The following SYT3 variants were observed in gnomAD, a reference collection of about 807,000 sequenced individuals.
The protein encoded by SYT3 is synaptotagmin 3.
In SYT3, 25 loss-of-function variants were observed where a neutral mutation model predicts 50.6. The observed-to-expected ratio is 0.49, with a 90% CI of 0.36 to 0.69. SYT3 has a LOEUF of 0.69. SYT3 is among the 30% of genes least tolerant of loss of function. SYT3 has a pLI of 0.00. For missense variants in SYT3, 589 were observed against 793.6 expected (o/e 0.74, Z 3.10); for synonymous variants, 323 against 353.9 (o/e 0.91, Z 0.98).
At chr19:50,636,033 A>T (rs1375644502) in intron 3 of SYT3, among the ~76,000 whole-genome samples, 1 of 152,180 alleles carries the variant, frequency 6.6e-6, no homozygotes, top group Non-Finnish European at 1.5e-5. Flanking sequence ...CGGGTGGATC[A>T]CTTGAGGTCA....
chr19:50,649,829 C>T, the SYT3 span: 2 of 506,688 alleles, frequency 3.9e-6, no homozygotes, highest in African/African-American at 3.8e-5. Context: ...CCACCCTGAG[C>T]TCAGCATCTT....
In SYT3 at chr19:50,635,201, C is replaced by A. The variant is rs541142064; in HGVS notation, c.148+2063G>T. Among the ~76,000 whole-genome samples the A allele has an allele frequency of 1.2e-3, 175 of 152,090 alleles. 1 individual carries two copies. The highest frequency in any genetic ancestry group is 6.0e-3 in the Admixed American group (91 of 15,272). On this transcript the variant is annotated intron_variant, in intron 3 of 10. Coordinates refer to ENST00000600079, the MANE Select transcript of SYT3 (RefSeq NM_001160329.2). ...GGGATTACAGGTGTGAGCCACCACA[C>A]CTGGCCCAGAGTGCTCCTTTTTAAG...
chr19:50,657,405 TC>T, the SYT3 span, among the ~76,000 whole-genome samples: 1 of 152,200 alleles, frequency 6.6e-6, no homozygotes. Context: ...TCATTTTAGT[TC>T]CTCAGCAATT....
In SYT3 at chr19:50,632,488, CA is replaced by C; in HGVS notation, c.471del (p.Glu158SerfsTer81). ...GAGTCCATGTCCAAGTAGGAGGGCT[CA>C]GGGGTGTCAGAACCCCCCAGGCTGC... ...EPGSLGGSDTPEPSYLDMDSY... is the reference protein window; with the variant it reads ...EPGSLGGSDTXEPSYLDMDSY... On this transcript the variant is annotated frameshift_variant, in exon 4 of 11. Transcript: ENST00000600079. LOFTEE classifies it high-confidence loss of function. The surrounding 1 kb of genome is among the most constrained non-coding windows in gnomAD (Gnocchi z 4.7). 6.2e-7 allele frequency: 1 copy of C among 1,612,708 alleles called. No individual in the cohort carries two copies. The highest frequency in any genetic ancestry group is 1.1e-5 in the South Asian group (1 of 91,046).
rs1312458860 is a variant in SYT3, at chr19:50,630,186, G to A, written c.675-15C>T. The stretch of plus-strand genomic sequence containing the variant: ...GGGCTGGGTACCTGTAGGGGGTTGG[G>A]GGGAGACCAAGGTGAGGTCAGTGGC... On this transcript the variant is annotated splice_polypyrimidine_tract_variant and intron_variant, in intron 4 of 10. Transcript: ENST00000600079. 7.3e-6 allele frequency: 11 copies of A among 1,505,370 alleles called. No individual in the cohort carries two copies. Among genetic ancestry groups the A allele is most frequent in the East Asian group, 2.3e-5 (1 of 43,110 alleles). The allele number at this position is 1,505,370 out of a possible 1,614,324, so 93.3% of individuals were successfully genotyped here. A position where few individuals can be genotyped will look rare whatever the true frequency, so the allele number is the denominator to read the frequency against.
the SYT3 span, among the ~76,000 whole-genome samples, chr19:50,657,561 A>T: frequency 6.6e-6 from 1 of 152,232 alleles, no homozygotes; most frequent in African/African-American, 2.4e-5. Flanking sequence ...ACTACTGAAC[A>T]TTCTTAAAAT....
the SYT3 span, among the ~76,000 whole-genome samples, chr19:50,656,959 A>G: frequency 1.4e-5 from 2 of 138,130 alleles, no homozygotes; most frequent in African/African-American, 3.1e-5. Flanking sequence ...CAAAAAAAAA[A>G]GGAAGGAAGA....
intron 4 of SYT3, among the ~76,000 whole-genome samples, chr19:50,631,594 C>T (rs1363244150): frequency 6.6e-6 from 1 of 152,108 alleles, no homozygotes; most frequent in East Asian, 1.9e-4. Context: ...TTGCCTGGGC[C>T]TCTCCTTTCA....
At chr19:50,655,659 A>C in the SYT3 span, among the ~76,000 whole-genome samples, 3 of 151,980 alleles carry the variant, frequency 2.0e-5, no homozygotes, top group East Asian at 3.8e-4. Flanking sequence ...AAAAAAAAAA[A>C]ACAAAAAACC....
the SYT3 span, chr19:50,656,260 G>A: frequency 1.2e-5 from 18 of 1,536,030 alleles, no homozygotes; most frequent in African/African-American, 1.4e-5. Flanking sequence ...TGCAGAGTAC[G>A]AGGCACTGGA....
chr19:50,651,939 A>G, the SYT3 span, among the ~76,000 whole-genome samples: 3 of 152,146 alleles, frequency 2.0e-5, no homozygotes, highest in South Asian at 6.2e-4. Flanking sequence ...ATGCTGCTAG[A>G]GTTACTTTTT....
At chr19:50,654,510 G>A in the SYT3 span, among the ~76,000 whole-genome samples, 1 of 151,612 alleles carries the variant, frequency 6.6e-6, no homozygotes, top group Non-Finnish European at 1.5e-5. Context: ...TATTGGCCAG[G>A]ATGGTCTCGA....
At chr19:50,641,341 G>T (rs1030476771), upstream of SYT3, among the ~76,000 whole-genome samples, 1 of 150,756 alleles carries the variant, frequency 6.6e-6, no homozygotes, top group Non-Finnish European at 1.5e-5. Context: ...CACCGTGCCC[G>T]GCTAATTTTT....
chr19:50,655,759 G>T, the SYT3 span, among the ~76,000 whole-genome samples: 1 of 152,180 alleles, frequency 6.6e-6, no homozygotes, highest in Non-Finnish European at 1.5e-5. Flanking sequence ...GCAAAAAGGA[G>T]CAAGTTCCTC....
At chr19:50,634,378 G>A (rs116401513) in intron 3 of SYT3, among the ~76,000 whole-genome samples, 37 of 152,284 alleles carry the variant, frequency 2.4e-4, no homozygotes, top group African/African-American at 8.9e-4. Context: ...GTTGCCTTCT[G>A]GTCCTGTACT....
Position 50,625,757 on chromosome 19 carries a change from C to CAG in SYT3, c.1402+139_1402+140insCT. On this transcript the variant is annotated intron_variant, in intron 7 of 10. Coordinates refer to ENST00000600079, the MANE Select transcript of SYT3 (RefSeq NM_001160329.2). This position sits in a 1 kb window ranked among gnomAD's most constrained non-coding sequence, Gnocchi z 7.5. ...CCGACCCAGGAGTCCAGGCCCCTGG[C>CAG]CCCTCCTCCCTCAGACCCAGGAGTC... 1 of 896,418 alleles carries CAG rather than the reference C, an allele frequency of 1.1e-6. No homozygotes were observed. Among genetic ancestry groups the CAG allele is most frequent in the Non-Finnish European group, 1.6e-6 (1 of 608,402 alleles). 55.5% of individuals were successfully genotyped at this position (896,418 alleles called of 1,614,324 possible). A position where few individuals can be genotyped will look rare whatever the true frequency, so the allele number is the denominator to read the frequency against.
chr19:50,650,982 C>T, the SYT3 span, among the ~76,000 whole-genome samples: 1 of 152,164 alleles, frequency 6.6e-6, no homozygotes, highest in East Asian at 1.9e-4. Flanking sequence ...TGTTGATCGA[C>T]GTTTGTTCAT....
In SYT3 at chr19:50,632,303, G is replaced by A; in HGVS notation, c.657C>T (p.Ser219=). ...PSAQSHQQVT[S]LAPTTRYPAL... is the part of the protein sequence containing the mutation. Reference sequence around the variant, plus strand: ...TCTCTCACCTGGTAGTGGGTGCCAGGCTTGTGACCTGCTGATGTGACTGGG... The same window carrying A: ...TCTCTCACCTGGTAGTGGGTGCCAGACTTGTGACCTGCTGATGTGACTGGG... Residue 219 remains serine (S), a synonymous_variant, in exon 4 of 11, where the codon AGC becomes AGT. Transcript: ENST00000600079. The surrounding 1 kb of genome is among the most constrained non-coding windows in gnomAD (Gnocchi z 4.7). 1 of 1,579,412 alleles carries A rather than the reference G, an allele frequency of 6.3e-7. No individual in the cohort carries two copies. Among genetic ancestry groups the A allele is most frequent in the Admixed American group, 1.7e-5 (1 of 57,712 alleles).
chr19:50,630,290 G>T, intron 4 of SYT3, 119 bp from the exon 5 acceptor site: 1 of 1,054,988 alleles, frequency 9.5e-7, no homozygotes, highest in Non-Finnish European at 1.3e-6. Context: ...GTGGCCACAA[G>T]TCCCCTCCTT....
Sources: allele counts gnomAD v4.1 joint callset (sites outside exome capture counted in the v4.1 genomes callset), GRCh38; gene constraint gnomAD v4.1.1; non-coding constraint Gnocchi (gnomAD v3.1); transcripts MANE v1.5; gene names NCBI Gene and HGNC (gene_info 2026-07-23, HGNC 2026-07-21).